Variants in TMEM51 observed in about 807,000 individuals in gnomAD.
TMEM51 encodes chromosome 1 open reading frame 72.
A neutral mutation model predicts 13.6 loss-of-function variants in TMEM51; 8 were observed. The observed-to-expected ratio is 0.59, with a 90% CI of 0.35 to 1.07. TMEM51 has a LOEUF of 1.07. Among genes scored for constraint, TMEM51 ranks in the 50% least tolerant of loss-of-function variants. The probability of loss-of-function intolerance (pLI) is 0.02; values close to 1 mark genes in which losing one functional copy is unlikely to be tolerated. For synonymous variants in TMEM51, 147 were observed against 144.4 expected (o/e 1.02, Z -0.13); for missense variants, 279 against 330.7 (o/e 0.84, Z 1.21).
At chr1:15,195,661 C>G (rs1397261515) in intron 1 of TMEM51, among the ~76,000 whole-genome samples, 2 of 152,134 alleles carry the variant, frequency 1.3e-5, no homozygotes, top group Non-Finnish European at 2.9e-5. Context: ...CCAGCTAGGG[C>G]TTGCTATATG....
At chr1:15,199,819 C>T (rs563617298) in intron 1 of TMEM51, among the ~76,000 whole-genome samples, 16 of 152,186 alleles carry the variant, frequency 1.1e-4, no homozygotes, top group Admixed American at 5.2e-4. Context: ...CTAGCTGCTG[C>T]TGGGCAGAGG....
chr1:15,173,321 G>A (rs1365557688), intron 1 of TMEM51, among the ~76,000 whole-genome samples: 1 of 149,428 alleles, frequency 6.7e-6, no homozygotes, highest in South Asian at 2.1e-4. Flanking sequence ...CCAGGTTCAA[G>A]CGATTCTCCC....
At chr1:15,196,407 T>TGC (rs1573427434) in intron 1 of TMEM51, among the ~76,000 whole-genome samples, 1 of 152,092 alleles carries the variant, frequency 6.6e-6, no homozygotes, top group Admixed American at 6.6e-5. Flanking sequence ...TGTGTGTGTG[T>TGC]GTGCGTGTGC....
intron 2 of TMEM51, among the ~76,000 whole-genome samples, chr1:15,214,616 T>C (rs1364300939): frequency 6.6e-6 from 1 of 152,248 alleles, no homozygotes; most frequent in Admixed American, 6.5e-5. Flanking sequence ...CACAATGTTT[T>C]AATGACCTGA....
intron 1 of TMEM51, among the ~76,000 whole-genome samples, chr1:15,194,645 T>C (rs1644009581): frequency 6.6e-6 from 1 of 152,156 alleles, no homozygotes; most frequent in African/African-American, 2.4e-5. Flanking sequence ...ATCTTTTCGT[T>C]GTTATTCTTT....
At chr1:15,171,126 C>T in intron 1 of TMEM51, 4 of 1,284,612 alleles carry the variant, frequency 3.1e-6, no homozygotes, top group Non-Finnish European at 4.1e-6. Flanking sequence ...CATCCCCCAC[C>T]CCCAGTTGCT....
intron 2 of TMEM51, among the ~76,000 whole-genome samples, chr1:15,211,694 A>C (rs187005380): frequency 5.8e-4 from 89 of 152,208 alleles, no homozygotes; most frequent in African/African-American, 2.1e-3. Context: ...TTAACCACTC[A>C]GCTATGCTAC....
Position 15,215,402 on chromosome 1 carries a change from C to G in TMEM51, c.315C>G (p.Gly105=). 6.2e-7 allele frequency: 1 copy of G among 1,606,934 alleles called. No homozygotes were observed. Among genetic ancestry groups the G allele is most frequent in the Non-Finnish European group, 8.5e-7 (1 of 1,177,834 alleles). Residue 105 remains glycine, a synonymous_variant, in exon 3 of 4, where the codon GGC becomes GGG. Coordinates refer to ENST00000376008, the MANE Select transcript of TMEM51 (RefSeq NM_001136218.2). ...EDLAHVQHPT[G]AGPHAQEEDS... ...TGGCCCATGTCCAGCACCCGACAGG[C>G]GCTGGGCCTCACGCCCAGGAGGAAG...
At chr1:15,196,419 T>A (rs1355086161) in intron 1 of TMEM51, among the ~76,000 whole-genome samples, 2 of 151,954 alleles carry the variant, frequency 1.3e-5, no homozygotes, top group Non-Finnish European at 2.9e-5. Flanking sequence ...TGCGTGTGCA[T>A]GCACACATGT....
At chr1:15,202,171 G>A (rs17382617) in intron 1 of TMEM51, among the ~76,000 whole-genome samples, 8,990 of 152,204 alleles carry the variant, frequency 0.059, 360 homozygotes, top group Non-Finnish European at 0.094. Context: ...TGTAAACTTG[G>A]TAGAGGAGCA....
At chr1:15,216,508 G>T (rs1232905929) in intron 3 of TMEM51, among the ~76,000 whole-genome samples, 2 of 152,158 alleles carry the variant, frequency 1.3e-5, no homozygotes, top group African/African-American at 2.4e-5. Flanking sequence ...CTGTTGGAGA[G>T]TTGTAGGGAA....
chr1:15,184,824 G>A (rs1643722381), intron 1 of TMEM51, among the ~76,000 whole-genome samples: 1 of 141,896 alleles, frequency 7.0e-6, no homozygotes, highest in Non-Finnish European at 1.5e-5. Context: ...CCCTCGCGTG[G>A]GACATTTGGC....
At chr1:15,216,706 A>C (rs10927732) in intron 3 of TMEM51, among the ~76,000 whole-genome samples, 24,365 of 152,224 alleles carry the variant, frequency 0.16, 2,103 homozygotes, top group East Asian at 0.3. Flanking sequence ...AAAAACTTAG[A>C]AACAACCTAA....
chr1:15,170,537 C>T (rs1012105172), intron 1 of TMEM51, among the ~76,000 whole-genome samples: 1 of 151,522 alleles, frequency 6.6e-6, no homozygotes, highest in Non-Finnish European at 1.5e-5. Flanking sequence ...ATCAAACTCC[C>T]AGGCTCAAGT....
chr1:15,158,435 T>A (rs569945996), intron 1 of TMEM51, among the ~76,000 whole-genome samples: 2 of 152,220 alleles, frequency 1.3e-5, no homozygotes, highest in East Asian at 3.9e-4. Context: ...CTTCTGACTT[T>A]TATGTGTTTA....
intron 1 of TMEM51, among the ~76,000 whole-genome samples, chr1:15,157,371 A>C (rs538697677): frequency 6.6e-6 from 1 of 152,296 alleles, no homozygotes; most frequent in East Asian, 1.9e-4. Context: ...ATCTTAGAAT[A>C]TCGGGGCCAG....
Position 15,207,776 on chromosome 1 carries a change from A to G in TMEM51, c.-266-2714A>G, listed in dbSNP as rs867740466. On this transcript the variant is annotated intron_variant, in intron 1 of 3. Transcript: ENST00000376008. This position sits in a 1 kb window ranked among gnomAD's most constrained non-coding sequence, Gnocchi z 4.6. The stretch of plus-strand genomic sequence containing the variant: ...GCTGAAACCTCCAGCCCCACCAGGG[A>G]ATACTGATACAGTCACTTTCTCAGG... Among the ~76,000 whole-genome samples, 37 of 152,228 alleles carry G rather than the reference A, an allele frequency of 2.4e-4. No individual in the cohort carries two copies. The highest frequency in any genetic ancestry group is 8.4e-4 in the African/African-American group (35 of 41,462).
intron 1 of TMEM51, among the ~76,000 whole-genome samples, chr1:15,204,426 CGCCTGT>C (rs2100324033): frequency 6.6e-6 from 1 of 152,330 alleles, no homozygotes; most frequent in African/African-American, 2.4e-5. Flanking sequence ...TGGTGGCGCA[CGCCTGT>C]AATCCCAGCT....
At position 15,162,899 on chromosome 1, in the gene TMEM51, G is replaced by T. The variant is rs1299209701; in HGVS notation, c.-267+8945G>T. ...AGGGTTTAATGGGTAAGGGGTTTCAGTTTTGTAAAATGAAAGCGTTCTGTG... is the reference window on the plus strand; with the variant it reads ...AGGGTTTAATGGGTAAGGGGTTTCATTTTTGTAAAATGAAAGCGTTCTGTG... On this transcript the variant is annotated intron_variant, in intron 1 of 3. Transcript: ENST00000376008. 2.0e-5 allele frequency among the ~76,000 whole-genome samples: 3 copies of T among 152,140 alleles called. No homozygotes were observed. The Middle Eastern group carries it at 0.01, about 517-fold the overall frequency.
Sources: gnomAD v4.1 joint callset for allele counts (sites outside exome capture counted in the v4.1 genomes callset) on GRCh38, gnomAD v4.1.1 for gene constraint, Gnocchi (gnomAD v3.1) non-coding constraint, MANE v1.5 for transcripts, NCBI Gene and HGNC (gene_info 2026-07-23, HGNC 2026-07-21) for gene names.